The following GRM5 variants were observed in gnomAD, a reference collection of about 807,000 sequenced individuals.
The protein encoded by GRM5 is glutamate metabotropic receptor 5, also known as metabotropic glutamate receptor 5.
In GRM5, 19 loss-of-function variants were observed where a neutral mutation model predicts 83.1. The ratio of observed to expected loss-of-function variants is 0.23; its 90% CI spans 0.16 to 0.34. GRM5 has a LOEUF of 0.34. Ranked by LOEUF, GRM5 falls within the 10% of genes least tolerant of loss-of-function variation. The probability of loss-of-function intolerance (pLI) is 1.00; values close to 1 mark genes in which losing one functional copy is unlikely to be tolerated. For synonymous variants in GRM5, 675 were observed against 633.6 expected (o/e 1.07, Z -0.98); for missense variants, 1,160 against 1,588.3 (o/e 0.73, Z 4.58).
intron 3 of GRM5, among the ~76,000 whole-genome samples, chr11:88,768,663 C>A (rs1260380167): frequency 6.6e-6 from 1 of 151,512 alleles, no homozygotes; most frequent in Non-Finnish European, 1.5e-5. Context: ...ATAGCCACAC[C>A]TGAAAGGTCA....
At chr11:88,544,354 C>A (rs1015355577) in intron 8 of GRM5, among the ~76,000 whole-genome samples, 2 of 152,198 alleles carry the variant, frequency 1.3e-5, no homozygotes, top group African/African-American at 4.8e-5. Context: ...CTTCTGGTCA[C>A]TCTTTTCTTT....
chr11:88,632,204 G>A (rs1329041044), intron 4 of GRM5, among the ~76,000 whole-genome samples: 1 of 148,016 alleles, frequency 6.8e-6, no homozygotes, highest in East Asian at 2.0e-4. Context: ...AGATTACTTT[G>A]CATTTTCTAA....
intron 2 of GRM5, among the ~76,000 whole-genome samples, chr11:88,958,270 A>T (rs1029711265): frequency 1.3e-5 from 2 of 150,342 alleles, no homozygotes; most frequent in South Asian, 2.1e-4. Context: ...ATGTATATGA[A>T]TTTTTCTTTT....
At chr11:88,552,501 T>A (rs979985468) in intron 8 of GRM5, among the ~76,000 whole-genome samples, 4 of 152,134 alleles carry the variant, frequency 2.6e-5, no homozygotes, top group South Asian at 2.1e-4. Flanking sequence ...TACATTGAGC[T>A]CTCTGTGCAA....
chr11:88,779,071 T>G (rs938792022), intron 3 of GRM5, among the ~76,000 whole-genome samples: 15 of 152,334 alleles, frequency 9.8e-5, no homozygotes, highest in Non-Finnish European at 8.8e-5. Context: ...CTTTTATAGA[T>G]GAAGAACCTG....
At chr11:88,671,690 T>G (rs1443150145) in intron 3 of GRM5, among the ~76,000 whole-genome samples, 1 of 152,070 alleles carries the variant, frequency 6.6e-6, no homozygotes, top group East Asian at 1.9e-4. Flanking sequence ...ATTATACATA[T>G]TCCACTTACA....
At chr11:88,527,022 G>C (rs1303532843) in intron 8 of GRM5, among the ~76,000 whole-genome samples, 1 of 152,116 alleles carries the variant, frequency 6.6e-6, no homozygotes, top group African/African-American at 2.4e-5. Context: ...TTTGTTAAAG[G>C]AGGTAAATCA....
chr11:88,719,182 C>G (rs1941474405), intron 3 of GRM5, among the ~76,000 whole-genome samples: 1 of 151,612 alleles, frequency 6.6e-6, no homozygotes, highest in Non-Finnish European at 1.5e-5. Flanking sequence ...AAGCCTGATA[C>G]CCATTAGTTA....
At chr11:88,977,928 C>A (rs533637033) in intron 2 of GRM5, among the ~76,000 whole-genome samples, 1 of 152,338 alleles carries the variant, frequency 6.6e-6, no homozygotes, top group African/African-American at 2.4e-5. Context: ...TCAACACATA[C>A]AAACTCATAG....
chr11:88,562,071 G>C (rs983547263), intron 8 of GRM5, among the ~76,000 whole-genome samples: 1 of 152,056 alleles, frequency 6.6e-6, no homozygotes, highest in Admixed American at 6.6e-5. Context: ...TCCAAAGTAA[G>C]TTCTTTGGAG....
intron 3 of GRM5, among the ~76,000 whole-genome samples, chr11:88,810,595 C>A (rs1010617382): frequency 2.0e-5 from 3 of 151,970 alleles, no homozygotes; most frequent in African/African-American, 7.2e-5. Context: ...CATAAACAGG[C>A]AGAATGAATC....
chr11:88,721,273 T>C lies in GRM5; in HGVS notation c.912-67870A>G, dbSNP rs141870770. Among the ~76,000 whole-genome samples the C allele has an allele frequency of 1.4e-3, 212 of 152,216 alleles. 2 individuals are homozygous for C. Among genetic ancestry groups the C allele is most frequent in the Admixed American group, 7.5e-3 (115 of 15,240 alleles). On this transcript the variant is annotated intron_variant, in intron 3 of 9. Transcript: ENST00000305447. ...ATTTTTCTCCTTTCTAGAAATTCAATCTTTTTTGGTGGGAGTGCAAGGTTG... is the reference window on the plus strand; with the variant it reads ...ATTTTTCTCCTTTCTAGAAATTCAACCTTTTTTGGTGGGAGTGCAAGGTTG...
chr11:88,775,181 G>T (rs563723263), intron 3 of GRM5, among the ~76,000 whole-genome samples: 3 of 152,122 alleles, frequency 2.0e-5, no homozygotes, highest in Non-Finnish European at 2.9e-5. Flanking sequence ...GCGTGTATGC[G>T]TCCAGGAATT....
At chr11:88,789,854 A>AT (rs143126833) in intron 3 of GRM5, among the ~76,000 whole-genome samples, 15,545 of 150,302 alleles carry the variant, frequency 0.1, 1,671 homozygotes, top group African/African-American at 0.28. Flanking sequence ...TACAAGGCAA[A>AT]TTTTTTTTTT....
intron 4 of GRM5, among the ~76,000 whole-genome samples, chr11:88,611,684 T>C (rs2135242011): frequency 6.6e-6 from 1 of 152,324 alleles, no homozygotes; most frequent in East Asian, 1.9e-4. Context: ...CATTGATGTT[T>C]TGTATGGATT....
chr11:88,804,762 C>A (rs1325051550), intron 3 of GRM5, among the ~76,000 whole-genome samples: 1 of 151,808 alleles, frequency 6.6e-6, no homozygotes, highest in Non-Finnish European at 1.5e-5. Context: ...TAAGTGGGAG[C>A]TAAATGGCAT....
intron 3 of GRM5, among the ~76,000 whole-genome samples, chr11:88,773,399 G>A (rs1195115770): frequency 6.6e-6 from 1 of 152,118 alleles, no homozygotes; most frequent in Non-Finnish European, 1.5e-5. Context: ...TATTCTGTAG[G>A]TTGCCTGTTC....
chr11:88,866,309 A>G (rs1399469929), intron 2 of GRM5, among the ~76,000 whole-genome samples: 1 of 152,094 alleles, frequency 6.6e-6, no homozygotes, highest in Admixed American at 6.6e-5. Context: ...AGGAACAGAA[A>G]ACCAAACACT....
intron 4 of GRM5, among the ~76,000 whole-genome samples, chr11:88,649,188 G>T (rs1175076253): frequency 1.5e-5 from 2 of 133,618 alleles, no homozygotes; most frequent in Non-Finnish European, 3.1e-5. Flanking sequence ...TATTATATAT[G>T]TTATATATAA....
Sources: gnomAD v4.1 joint callset for allele counts (sites outside exome capture counted in the v4.1 genomes callset) on GRCh38, gnomAD v4.1.1 for gene constraint, MANE v1.5 for transcripts, NCBI Gene and HGNC (gene_info 2026-07-23, HGNC 2026-07-21) for gene names.